KCNAB1: variants seen among roughly 807,000 people sequenced by gnomAD.
KCNAB1 encodes the protein voltage-gated potassium channel subunit beta-1.
KCNAB1 carries 35 observed loss-of-function variants against 64.6 expected under a neutral mutation model. The observed-to-expected ratio is 0.54, with a 90% CI of 0.41 to 0.72. The LOEUF (loss-of-function observed/expected upper bound fraction) is 0.72. Among genes scored for constraint, KCNAB1 ranks in the 30% least tolerant of loss-of-function variants. The probability of loss-of-function intolerance (pLI) is 0.00; values close to 1 mark genes in which losing one functional copy is unlikely to be tolerated. For synonymous variants in KCNAB1, 177 were observed against 183.8 expected (o/e 0.96, Z 0.30); for missense variants, 401 against 512.9 (o/e 0.78, Z 2.11).
intron 1 of KCNAB1, among the ~76,000 whole-genome samples, chr3:156,171,660 C>A (rs961209732): frequency 2.0e-5 from 3 of 152,124 alleles, no homozygotes; most frequent in African/African-American, 7.2e-5. Flanking sequence ...GAGTCCAATG[C>A]GAATGTACTG....
chr3:156,273,249 C>T (rs569758639), intron 1 of KCNAB1, among the ~76,000 whole-genome samples: 4 of 152,284 alleles, frequency 2.6e-5, no homozygotes, highest in Non-Finnish European at 1.5e-5. Flanking sequence ...ACACGCCCTC[C>T]AAATCCACTG....
At position 156,452,287 on chromosome 3, in the gene KCNAB1, T is replaced by C. The variant is rs1712067722; in HGVS notation, c.320-612T>C. Among the ~76,000 whole-genome samples, 1 of 152,206 alleles carries C rather than the reference T, an allele frequency of 6.6e-6. No individual in the cohort carries two copies. Among genetic ancestry groups the C allele is most frequent in the African/African-American group, 2.4e-5 (1 of 41,470 alleles). On this transcript the variant is annotated intron_variant, in intron 2 of 13. Transcript: ENST00000490337. The surrounding 1 kb of genome is among the most constrained non-coding windows in gnomAD (Gnocchi z 4.6). ...GCTGCTGAGTGTGCATCTCTCCCCT[T>C]GCCTTCCCAAACCTTACTCCTGCTG...
chr3:156,305,321 A>G (rs1307689445), intron 1 of KCNAB1, among the ~76,000 whole-genome samples: 3 of 152,204 alleles, frequency 2.0e-5, no homozygotes, highest in Non-Finnish European at 4.4e-5. Context: ...TCCTGTTTTA[A>G]TCATCCCCAG....
At chr3:156,382,951 A>C (rs1175074082) in intron 1 of KCNAB1, among the ~76,000 whole-genome samples, 1 of 152,264 alleles carries the variant, frequency 6.6e-6, no homozygotes, top group Non-Finnish European at 1.5e-5. Context: ...ATTTGTACAC[A>C]GTCAGCCTGA....
intron 1 of KCNAB1, among the ~76,000 whole-genome samples, chr3:156,164,543 T>G (rs1254817614): frequency 3.9e-5 from 6 of 152,228 alleles, no homozygotes. Context: ...TGATGCCTGG[T>G]GCATCAGCTA....
chr3:156,387,014 C>CTCTTTTTTTTTT (rs60888308), intron 1 of KCNAB1, among the ~76,000 whole-genome samples: 21 of 90,518 alleles, frequency 2.3e-4, no homozygotes, highest in African/African-American at 6.0e-4. Context: ...TTCTCTCTCT[C>CTCTTTTTTTTTT]TTTTTTTTTT....
chr3:156,463,651 A>G (rs2108298918), intron 5 of KCNAB1, 51 bp from the exon 6 acceptor site: 2 of 1,389,138 alleles, frequency 1.4e-6, no homozygotes, highest in Middle Eastern at 3.6e-4. Context: ...ACTCGGTACA[A>G]TAACCTGCAT....
chr3:156,447,701 C>T (rs918053845), intron 2 of KCNAB1, among the ~76,000 whole-genome samples: 2 of 152,100 alleles, frequency 1.3e-5, no homozygotes, highest in African/African-American at 2.4e-5. Context: ...GGAAGTGTCA[C>T]ATATTGGAGT....
chr3:156,176,238 G>A, intron 1 of KCNAB1: 3 of 791,930 alleles, frequency 3.8e-6, no homozygotes, highest in Non-Finnish European at 2.3e-6. Context: ...TCATGGTGTA[G>A]GTTAGTTTGT....
intron 1 of KCNAB1, among the ~76,000 whole-genome samples, chr3:156,164,284 A>C (rs1230538315): frequency 1.3e-5 from 2 of 152,154 alleles, no homozygotes; most frequent in East Asian, 1.9e-4. Context: ...GTGCTTTTGC[A>C]ATATATTATA....
intron 1 of KCNAB1, among the ~76,000 whole-genome samples, chr3:156,236,601 T>C (rs1299459463): frequency 2.0e-5 from 3 of 152,206 alleles, no homozygotes; most frequent in Admixed American, 6.5e-5. Context: ...CTCAAACTAC[T>C]GATTACATCA....
At chr3:156,431,366 G>A (rs764354972) in intron 2 of KCNAB1, among the ~76,000 whole-genome samples, 8 of 152,130 alleles carry the variant, frequency 5.3e-5, no homozygotes, top group Non-Finnish European at 1.0e-4. Context: ...AATCAATAAT[G>A]CAATTAAGCT....
At chr3:156,168,592 G>T (rs1577665000) in intron 1 of KCNAB1, among the ~76,000 whole-genome samples, 1 of 152,050 alleles carries the variant, frequency 6.6e-6, no homozygotes, top group East Asian at 1.9e-4. Context: ...ATATAAATTT[G>T]ATGCTTATTA....
At chr3:156,304,051 T>C (rs1721327044) in intron 1 of KCNAB1, among the ~76,000 whole-genome samples, 1 of 152,224 alleles carries the variant, frequency 6.6e-6, no homozygotes, top group Admixed American at 6.5e-5. Context: ...CACACGACAA[T>C]ATCACTGAGA....
chr3:156,298,358 G>A (rs953030794), intron 1 of KCNAB1, among the ~76,000 whole-genome samples: 10 of 152,330 alleles, frequency 6.6e-5, no homozygotes, highest in African/African-American at 2.2e-4. Flanking sequence ...TAGTTTTCTA[G>A]CTGCAATCTT....
chr3:156,229,216 C>T (rs1410986782), intron 1 of KCNAB1, among the ~76,000 whole-genome samples: 4 of 152,272 alleles, frequency 2.6e-5, no homozygotes, highest in Non-Finnish European at 2.9e-5. Flanking sequence ...TTAATTGGCT[C>T]GTGGTTCTGC....
chr3:156,125,835 C>G (rs1713622705), intron 1 of KCNAB1, among the ~76,000 whole-genome samples: 1 of 152,132 alleles, frequency 6.6e-6, no homozygotes, highest in Non-Finnish European at 1.5e-5. Context: ...GATCCAAGAG[C>G]TTAGAAGCCT....
Position 156,433,053 on chromosome 3 carries a change from C to T in KCNAB1, c.319+11394C>T, listed in dbSNP as rs148726535. ...CTGACTCGGTCATCCCTGTAAAGCA[C>T]GGCCAGGCACTTTTTCTGTCATTTT... On this transcript the variant is annotated intron_variant, in intron 2 of 13. Transcript: ENST00000490337. Among the ~76,000 whole-genome samples, 935 of 152,254 alleles carry T rather than the reference C, an allele frequency of 6.1e-3. 7 individuals carry two copies. The highest frequency in any genetic ancestry group is 0.027 in the South Asian group (130 of 4,826).
intron 1 of KCNAB1, among the ~76,000 whole-genome samples, chr3:156,129,054 G>A (rs1053781241): frequency 6.6e-6 from 1 of 151,876 alleles, no homozygotes; most frequent in South Asian, 2.1e-4. Context: ...TTTTATAGTC[G>A]TTCTGTTTAA....
Sources: gnomAD v4.1 joint callset for allele counts (sites outside exome capture counted in the v4.1 genomes callset) on GRCh38, gnomAD v4.1.1 for gene constraint, Gnocchi (gnomAD v3.1) non-coding constraint, MANE v1.5 for transcripts, NCBI Gene and HGNC (gene_info 2026-07-23, HGNC 2026-07-21) for gene names.